Variants in KAT6B observed in about 807,000 individuals in gnomAD.
The protein encoded by KAT6B is histone acetyltransferase KAT6B.
KAT6B carries 10 observed loss-of-function variants against 187.5 expected under a neutral mutation model. The ratio of observed to expected loss-of-function variants is 0.05; its 90% CI spans 0.03 to 0.09. KAT6B has a LOEUF of 0.09. Ranked by LOEUF, KAT6B falls within the 10% of genes least tolerant of loss-of-function variation. The probability of loss-of-function intolerance (pLI) is 1.00; values close to 1 mark genes in which losing one functional copy is unlikely to be tolerated. For synonymous variants in KAT6B, 861 were observed against 926.8 expected (o/e 0.93, Z 1.29); for missense variants, 1,952 against 2,558.9 (o/e 0.76, Z 5.12).
intron 10 of KAT6B, among the ~76,000 whole-genome samples, chr10:74,979,598 G>T (rs1323308636): frequency 6.7e-6 from 1 of 149,820 alleles, no homozygotes; most frequent in African/African-American, 2.5e-5. Context: ...TCTTTCCTTG[G>T]TTAATTGGGG....
intron 16 of KAT6B, 73 bp from the exon 17 acceptor site, chr10:75,024,885 T>A (rs898435392): frequency 1.6e-5 from 22 of 1,378,068 alleles, no homozygotes; most frequent in Non-Finnish European, 2.3e-5. Flanking sequence ...GTTCAGTACA[T>A]GTCTACTGCA....
At chr10:74,999,003 C>T (rs929549190) in intron 13 of KAT6B, among the ~76,000 whole-genome samples, 2 of 152,172 alleles carry the variant, frequency 1.3e-5, no homozygotes, top group South Asian at 4.1e-4. Context: ...GTAATATGTT[C>T]TCAATTATGT....
chr10:75,020,859 A>G, intron 14 of KAT6B, 46 bp downstream of exon 14: 1 of 1,496,200 alleles, frequency 6.7e-7, no homozygotes, highest in East Asian at 2.3e-5. Context: ...GGCATCCCAC[A>G]CCAGAAAGGG....
At chr10:74,838,646 T>C (rs1228915840) in intron 1 of KAT6B, 37 bp from the exon 2 acceptor site, 2 of 152,246 alleles carry the variant, frequency 1.3e-5, no homozygotes, top group Admixed American at 6.5e-5. Context: ...AGGATGTCCT[T>C]ATGTCCAAAT....
chr10:74,856,762 G>C (rs1019341234), intron 3 of KAT6B, among the ~76,000 whole-genome samples: 7 of 152,078 alleles, frequency 4.6e-5, no homozygotes, highest in African/African-American at 1.7e-4. Context: ...TCAGCTGGGC[G>C]TGGTGGCATG....
chr10:74,916,563 G>A (rs747369873), intron 3 of KAT6B, among the ~76,000 whole-genome samples: 11 of 152,134 alleles, frequency 7.2e-5, no homozygotes, highest in Non-Finnish European at 1.2e-4. Flanking sequence ...GAATGCTTAT[G>A]GTGGTGGTTG....
intron 17 of KAT6B, chr10:75,026,032 T>C (rs1276591460): frequency 6.6e-6 from 1 of 151,016 alleles, no homozygotes; most frequent in Non-Finnish European, 1.5e-5. Context: ...TGGTGGTGTG[T>C]GCCTATAGTC....
rs776286375 is a variant in KAT6B, at chr10:75,022,075, A to AGAG, written c.3228_3230dup (p.Glu1076dup). 1 of 1,613,594 alleles carries AGAG rather than the reference A, an allele frequency of 6.2e-7. No individual in the cohort carries two copies. Among genetic ancestry groups the AGAG allele is most frequent in the East Asian group, 2.2e-5 (1 of 44,872 alleles). On this transcript the variant is annotated inframe_insertion, in exon 16 of 18. Transcript: ENST00000287239. ...TGTCTAAAGAGAGCAGTGAAGAAGA[A>AGAG]GAGGAGGAGGAGGACGAGGAGGAGG...
intron 8 of KAT6B, chr10:74,977,061 G>A (rs961551819): frequency 5.1e-6 from 2 of 393,718 alleles, no homozygotes; most frequent in South Asian, 2.3e-5. Flanking sequence ...ACTTTGTATT[G>A]CTCTTACTTT....
chr10:74,831,686 T>A (rs1487284265), intron 1 of KAT6B, among the ~76,000 whole-genome samples: 1 of 152,230 alleles, frequency 6.6e-6, no homozygotes, highest in African/African-American at 2.4e-5. Flanking sequence ...ATTGCCCTTT[T>A]TCCTTTTATG....
intron 10 of KAT6B, among the ~76,000 whole-genome samples, chr10:74,980,657 C>T (rs534714817): frequency 3.9e-5 from 6 of 152,334 alleles, no homozygotes; most frequent in Non-Finnish European, 7.3e-5. Flanking sequence ...CTCTTGAAAA[C>T]CTTTTTCCCC....
At chr10:74,926,996 G>T (rs1848554894) in intron 3 of KAT6B, among the ~76,000 whole-genome samples, 1 of 152,120 alleles carries the variant, frequency 6.6e-6, no homozygotes, top group South Asian at 2.1e-4. Context: ...ATAAAGGGAG[G>T]CAGTGGAATC....
chr10:74,899,021 C>T (rs1445495673), intron 3 of KAT6B, among the ~76,000 whole-genome samples: 2 of 121,302 alleles, frequency 1.6e-5, no homozygotes, highest in African/African-American at 9.1e-5. Flanking sequence ...AATAGCCGAG[C>T]ATGGTGGCAG....
intron 3 of KAT6B, among the ~76,000 whole-genome samples, chr10:74,868,791 C>A (rs1843716082): frequency 6.6e-6 from 1 of 152,204 alleles, no homozygotes; most frequent in South Asian, 2.1e-4. Flanking sequence ...GTCCTCACCA[C>A]AACTTTATGA....
At chr10:74,895,829 A>G (rs533599644) in intron 3 of KAT6B, among the ~76,000 whole-genome samples, 5 of 152,126 alleles carry the variant, frequency 3.3e-5, no homozygotes, top group East Asian at 1.9e-4. Flanking sequence ...TCTTGTTCCT[A>G]TCAATCTTTC....
chr10:74,828,940 T>C (rs138992608), intron 1 of KAT6B, among the ~76,000 whole-genome samples: 2 of 151,486 alleles, frequency 1.3e-5, no homozygotes, highest in East Asian at 1.9e-4. Flanking sequence ...GAAAGGATAA[T>C]GCACATGTTT....
intron 13 of KAT6B, among the ~76,000 whole-genome samples, chr10:75,005,242 G>A (rs1246164856): frequency 3.4e-5 from 5 of 148,740 alleles, no homozygotes; most frequent in Admixed American, 2.7e-4. Flanking sequence ...TTTTGAGACC[G>A]AGTCTTGCTC....
chr10:74,885,832 A>G (rs1283461426), intron 3 of KAT6B, among the ~76,000 whole-genome samples: 1 of 151,846 alleles, frequency 6.6e-6, no homozygotes, highest in African/African-American at 2.4e-5. Flanking sequence ...CCCAGGTTCA[A>G]GCGATTCTAC....
rs1289209466 is a variant in KAT6B, at chr10:75,029,836, G to A, written c.5012G>A (p.Gly1671Asp). Residue 1671 changes from glycine (G) to aspartate (D), a missense_variant, in exon 18 of 18, where the codon GGC (glycine) becomes GAC (aspartate). Gly to Asp is a moderately conservative substitution (Grantham distance 94). Transcript: ENST00000287239. The surrounding 1 kb of genome is among the most constrained non-coding windows in gnomAD (Gnocchi z 6.2). ...GTAGACAGTGGATTTAGTGACCTGG[G>A]CAGTATCGAGAGCACAACTGAGAAC... Reference protein sequence around the residue: ...QVVDSGFSDLGSIESTTENYE... With the variant: ...QVVDSGFSDLDSIESTTENYE... 7 of 1,614,072 alleles carry A rather than the reference G, an allele frequency of 4.3e-6. No homozygotes were observed. The Admixed American group carries it at 1.2e-4, about 27-fold the overall frequency.
Sources: gnomAD v4.1 joint callset for allele counts (sites outside exome capture counted in the v4.1 genomes callset) on GRCh38, gnomAD v4.1.1 for gene constraint, Gnocchi (gnomAD v3.1) non-coding constraint, MANE v1.5 for transcripts, NCBI Gene and HGNC (gene_info 2026-07-23, HGNC 2026-07-21) for gene names.